The following CTR9 variants were observed in gnomAD, a reference collection of about 807,000 sequenced individuals.
CTR9 encodes the protein RNA polymerase-associated protein CTR9 homolog.
Under a neutral mutation model 152.1 loss-of-function variants are expected in CTR9, and 41 were observed. The observed-to-expected ratio is 0.27, with a 90% CI of 0.21 to 0.35. CTR9 has a LOEUF of 0.35. Ranked by LOEUF, CTR9 falls within the 10% of genes least tolerant of loss-of-function variation. The pLI is 1.00. For synonymous variants in CTR9, 476 were observed against 496.2 expected, an observed-to-expected ratio of 0.96 and a Z score of 0.54; for missense variants, 917 against 1,424.4, an observed-to-expected ratio of 0.64 and a Z score of 5.73.
chr11:10,754,409 A>C (rs1486347416), intron 2 of CTR9, among the ~76,000 whole-genome samples: 1 of 152,260 alleles, frequency 6.6e-6, no homozygotes, highest in African/African-American at 2.4e-5. Context: ...TTTTTTAAAC[A>C]GTTTTATTAA....
rs1039869867 is a variant in CTR9, at chr11:10,755,028, A to G, written c.215A>G (p.Asn72Ser). The change falls in exon 3 of 25, where the codon AAT (asparagine) becomes AGT (serine). Residue 72 changes from asparagine (N) to serine (S), a missense_variant. By Grantham distance (46) the Asn-to-Ser change is conservative. Transcript: ENST00000361367. ...TTGGAAGCAGCACGTATAGATGGCAATTTGGACTATAGAGACCATGAAAAA... is the reference window on the plus strand; with the variant it reads ...TTGGAAGCAGCACGTATAGATGGCAGTTTGGACTATAGAGACCATGAAAAA... ...KLLEAARIDG[N>S]LDYRDHEKDQ... 5.0e-6 allele frequency: 8 copies of G among 1,614,022 alleles called. No homozygotes were observed. Among genetic ancestry groups the G allele is most frequent in the African/African-American group, 4.0e-5 (3 of 74,950 alleles).
In CTR9 at chr11:10,773,924, A is replaced by G. The variant is rs376304251; in HGVS notation, c.2728-88A>G. 3.7e-5 allele frequency: 31 copies of G among 830,948 alleles called. 1 individual carries two copies. Among genetic ancestry groups the G allele is most frequent in the African/African-American group, 5.3e-5 (3 of 56,526 alleles). 51.5% of individuals were successfully genotyped at this position (830,948 alleles called of 1,614,324 possible). On this transcript the variant is annotated intron_variant, in intron 21 of 24. Coordinates refer to ENST00000361367, the MANE Select transcript of CTR9 (RefSeq NM_014633.5). ...AAAAATCCTTCATTGTCAAATGACA[A>G]TGGATATGGCCCCTTTCTGTACCTT...
At chr11:10,755,556 C>T (rs1862871936) in intron 3 of CTR9, 122 bp from the exon 4 acceptor site, 1 of 622,788 alleles carries the variant, frequency 1.6e-6, no homozygotes. Flanking sequence ...GTAGCTTAAG[C>T]ACGTTACATT....
rs745758629 is a variant in CTR9, at chr11:10,770,201, T to C, written c.2110-9T>C. On this transcript the variant is annotated splice_polypyrimidine_tract_variant and intron_variant, in intron 16 of 24. Coordinates refer to ENST00000361367, the MANE Select transcript of CTR9 (RefSeq NM_014633.5). ...TTGTGTTTTAATTAACTTTTTTCTT[T>C]TACTGTAGTATGAAAACTGCCTCCG... is the stretch of plus-strand genomic sequence containing the variant. The C allele has an allele frequency of 3.2e-6, 5 of 1,574,258 alleles. No homozygotes were observed. In the South Asian group the frequency reaches 5.8e-5, roughly 18 times the overall value.
intron 24 of CTR9, among the ~76,000 whole-genome samples, chr11:10,776,219 G>C (rs1280881348): frequency 1.3e-5 from 2 of 152,158 alleles, no homozygotes; most frequent in Admixed American, 6.5e-5. Context: ...CCAAGTAGCT[G>C]GGATTACAGG....
At chr11:10,753,602 A>G (rs1862838395) in intron 2 of CTR9, among the ~76,000 whole-genome samples, 1 of 151,432 alleles carries the variant, frequency 6.6e-6, no homozygotes, top group Non-Finnish European at 1.5e-5. Context: ...TGAAGTGCCA[A>G]CTTTTCTTAT....
rs764480216 is a variant in CTR9 at position 10,760,250 on chromosome 11, G to A, written c.670G>A (p.Ala224Thr). 1 of 1,614,100 alleles carries A rather than the reference G, an allele frequency of 6.2e-7. No individual in the cohort carries two copies. The highest frequency in any genetic ancestry group is 8.5e-7 in the Non-Finnish European group (1 of 1,179,974). ...AAAAGCTCGTCTGGCATTCAGCAGA[G>A]CCCTGGAACTCAATTCCAAATGCGT... is the stretch of plus-strand genomic sequence containing the variant. ...LEKARLAFSR[A>T]LELNSKCVGA... The change falls in exon 6 of 25, where the codon GCC becomes ACC. Residue 224 changes from alanine (A) to threonine (T), a missense_variant. Physicochemically the swap from Ala to Thr is moderately conservative, Grantham distance 58. Transcript: ENST00000361367.
chr11:10,754,612 C>T (rs1234454275), intron 2 of CTR9, among the ~76,000 whole-genome samples: 1 of 152,158 alleles, frequency 6.6e-6, no homozygotes, highest in African/African-American at 2.4e-5. Context: ...CAGACAACCA[C>T]TGGTCTGCTT....
At chr11:10,765,337 T>C (rs1399419884) in intron 12 of CTR9, among the ~76,000 whole-genome samples, 2 of 152,168 alleles carry the variant, frequency 1.3e-5, no homozygotes, top group East Asian at 3.8e-4. Context: ...ATAATAATAA[T>C]ATACATAGTG....
chr11:10,764,046 C>G, intron 9 of CTR9, 66 bp from the exon 10 acceptor site: 1 of 1,488,886 alleles, frequency 6.7e-7, no homozygotes. Context: ...ACTTACATAG[C>G]CCCCACTTTT....
Position 10,767,749 on chromosome 11 carries a change from A to G in CTR9, c.1687-57A>G. The G allele has an allele frequency of 6.9e-7, 1 of 1,459,686 alleles. No homozygotes were observed. Among genetic ancestry groups the G allele is most frequent in the Non-Finnish European group, 9.6e-7 (1 of 1,044,762 alleles). 90.4% of individuals were successfully genotyped at this position (1,459,686 alleles called of 1,614,324 possible). ...AGTAATCAGCTATTGTGGGAAGATGATTGATCTCTGTCAAACTAAACTGCA... is the reference window on the plus strand; with the variant it reads ...AGTAATCAGCTATTGTGGGAAGATGGTTGATCTCTGTCAAACTAAACTGCA... On this transcript the variant is annotated intron_variant, in intron 13 of 24. Coordinates refer to ENST00000361367, the MANE Select transcript of CTR9 (RefSeq NM_014633.5). The surrounding 1 kb of genome is among the most constrained non-coding windows in gnomAD (Gnocchi z 4.0).
At position 10,773,124 on chromosome 11, in the gene CTR9, T is replaced by C. The variant is rs376074649; in HGVS notation, c.2581-3T>C. 6.3e-7 allele frequency: 1 copy of C among 1,590,824 alleles called. No homozygotes were observed. The highest frequency in any genetic ancestry group is 8.5e-7 in the Non-Finnish European group (1 of 1,174,676). ...GTTTCTTTTCTACCATTTTTCCTCA[T>C]AGGAAGAGAAACGTCTCAGAGAAAA... On this transcript the variant is annotated splice_polypyrimidine_tract_variant and splice_region_variant and intron_variant, in intron 20 of 24. Transcript: ENST00000361367.
At position 10,779,063 on chromosome 11, in the gene CTR9, C is replaced by T. The variant is rs759543085; in HGVS notation, c.3480C>T (p.Ala1160=). The change falls in exon 25 of 25, where the codon GCC becomes GCT. Residue 1160 remains alanine (A), a synonymous_variant. Coordinates refer to ENST00000361367, the MANE Select transcript of CTR9 (RefSeq NM_014633.5). ...ESEPEGSNNE[A]SDRGSEHGSD... Reference sequence around the variant, plus strand: ...AACCAGAGGGATCCAACAATGAGGCCTCAGATAGAGGCTCAGAACATGGGT... The same window carrying T: ...AACCAGAGGGATCCAACAATGAGGCTTCAGATAGAGGCTCAGAACATGGGT... 3.5e-5 allele frequency: 56 copies of T among 1,614,006 alleles called. No homozygotes were observed. The highest frequency in any genetic ancestry group is 5.0e-5 in the Admixed American group (3 of 59,998).
At chr11:10,766,865 A>C (rs1034101463) in intron 13 of CTR9, among the ~76,000 whole-genome samples, 30 of 152,142 alleles carry the variant, frequency 2.0e-4, no homozygotes, top group African/African-American at 7.3e-4. Context: ...AGGATTTTGT[A>C]TGGAACCATA....
intron 21 of CTR9, among the ~76,000 whole-genome samples, 165 bp downstream of exon 21, chr11:10,773,438 T>C (rs1564971991): frequency 6.6e-6 from 1 of 152,244 alleles, no homozygotes; most frequent in Non-Finnish European, 1.5e-5. Flanking sequence ...GTATCCAGTA[T>C]TTAGCAATGC....
intron 3 of CTR9, 94 bp from the exon 4 acceptor site, chr11:10,755,584 C>G: frequency 1.4e-6 from 1 of 708,918 alleles, no homozygotes; most frequent in Non-Finnish European, 2.4e-6. Context: ...GGAATTTGCA[C>G]TGTGCTCCAC....
chr11:10,751,829 T>C (rs1862806694), intron 1 of CTR9, among the ~76,000 whole-genome samples: 1 of 152,180 alleles, frequency 6.6e-6, no homozygotes. Flanking sequence ...GGGGTTTATA[T>C]GCTTGCTGCT....
At chr11:10,777,543 G>T (rs541473281) in intron 24 of CTR9, among the ~76,000 whole-genome samples, 16 of 152,292 alleles carry the variant, frequency 1.1e-4, no homozygotes, top group Middle Eastern at 3.4e-3. Flanking sequence ...CATGATCAGT[G>T]TAATGAAATA....
intron 18 of CTR9, 96 bp downstream of exon 18, chr11:10,770,728 A>C: frequency 8.4e-7 from 1 of 1,184,296 alleles, no homozygotes; most frequent in Non-Finnish European, 1.2e-6. Context: ...TGCTTTGTTT[A>C]AAGCTATTTG....
Sources: allele counts gnomAD v4.1 joint callset (sites outside exome capture counted in the v4.1 genomes callset), GRCh38; gene constraint gnomAD v4.1.1; non-coding constraint Gnocchi (gnomAD v3.1); transcripts MANE v1.5; gene names NCBI Gene and HGNC (gene_info 2026-07-23, HGNC 2026-07-21).